Variants in MRPL1 observed in about 807,000 individuals in gnomAD.
MRPL1 encodes large ribosomal subunit protein uL1m.
MRPL1 carries 28 observed loss-of-function variants against 38.0 expected under a neutral mutation model. That is an observed-to-expected ratio of 0.74 (90% CI 0.55 to 1.01). The LOEUF is 1.01. Among genes scored for constraint, MRPL1 ranks in the 50% least tolerant of loss-of-function variants. The probability of loss-of-function intolerance (pLI) is 0.00; values close to 1 mark genes in which losing one functional copy is unlikely to be tolerated. For missense variants in MRPL1, 358 were observed against 389.8 expected (o/e 0.92, Z 0.69); for synonymous variants, 123 against 126.7 (o/e 0.97, Z 0.20).
chr4:77,932,090 A>C lies in MRPL1; in HGVS notation c.778-17707A>C, dbSNP rs149535691. ...ATTCAGTGATACAGAATGGGACACA[A>C]AACTTGCTTACTTGTTTGACATATT... On this transcript the variant is annotated intron_variant, in intron 7 of 8. Coordinates refer to ENST00000315567, the MANE Select transcript of MRPL1 (RefSeq NM_020236.4). Among the ~76,000 whole-genome samples the C allele has an allele frequency of 2.4e-4, 36 of 152,336 alleles. No homozygotes were observed. In the East Asian group the frequency reaches 6.7e-3, roughly 29 times the overall value.
chr4:77,867,860 C>T (rs1023107858), intron 1 of MRPL1, among the ~76,000 whole-genome samples: 4 of 148,936 alleles, frequency 2.7e-5, no homozygotes, highest in Non-Finnish European at 4.4e-5. Flanking sequence ...GGGTTCACGC[C>T]GTTCTCCTGC....
At chr4:77,885,550 A>G (rs1023496557) in intron 4 of MRPL1, among the ~76,000 whole-genome samples, 1 of 152,094 alleles carries the variant, frequency 6.6e-6, no homozygotes, top group Non-Finnish European at 1.5e-5. Flanking sequence ...TATTTTTAGT[A>G]GAGACAGGTT....
chr4:77,943,766 T>C (rs1560476720), intron 7 of MRPL1, among the ~76,000 whole-genome samples: 1 of 152,276 alleles, frequency 6.6e-6, no homozygotes, highest in East Asian at 1.9e-4. Context: ...TGAACATTTT[T>C]CCCTTCATAT....
intron 6 of MRPL1, among the ~76,000 whole-genome samples, chr4:77,902,451 A>G (rs1048238698): frequency 2.0e-5 from 3 of 151,752 alleles, no homozygotes; most frequent in African/African-American, 7.3e-5. Flanking sequence ...TAAGATTTTT[A>G]TCTTATAAAC....
chr4:77,884,357 T>G (rs1359492709), intron 3 of MRPL1, among the ~76,000 whole-genome samples: 1 of 152,222 alleles, frequency 6.6e-6, no homozygotes, highest in Non-Finnish European at 1.5e-5. Flanking sequence ...CAATCAGTTT[T>G]ATTAGGGGAA....
chr4:77,924,664 A>G (rs928750073), intron 7 of MRPL1, among the ~76,000 whole-genome samples: 4 of 151,996 alleles, frequency 2.6e-5, no homozygotes, highest in African/African-American at 7.3e-5. Context: ...TCTCCTTCCT[A>G]CTAGAGTGTT....
In MRPL1 at chr4:77,883,256, C is replaced by CA. The variant is rs866310495; in HGVS notation, c.165dup (p.Gly56ArgfsTer3). Reference sequence around the variant, plus strand: ...TTTCTTTTAAGGTCTGCAAAGAAAACAAAAAAAGGTGCTAAAGAAAAAACA... The same window carrying CA: ...TTTCTTTTAAGGTCTGCAAAGAAAACAAAAAAAAGGTGCTAAAGAAAAAACA... On this transcript the variant is annotated frameshift_variant, in exon 3 of 9. Coordinates refer to ENST00000315567, the MANE Select transcript of MRPL1 (RefSeq NM_020236.4). LOFTEE classifies it high-confidence loss of function. 4 of 1,547,228 alleles carry CA rather than the reference C, an allele frequency of 2.6e-6. No homozygotes were observed. Among genetic ancestry groups the CA allele is most frequent in the African/African-American group, 1.4e-5 (1 of 69,330 alleles).
intron 7 of MRPL1, among the ~76,000 whole-genome samples, chr4:77,943,733 T>C (rs1048671189): frequency 1.6e-4 from 24 of 152,200 alleles, no homozygotes; most frequent in African/African-American, 5.1e-4. Flanking sequence ...TTGATTATTT[T>C]TTATTTATGC....
At chr4:77,927,263 T>A (rs1736735741) in intron 7 of MRPL1, among the ~76,000 whole-genome samples, 1 of 152,218 alleles carries the variant, frequency 6.6e-6, no homozygotes, top group African/African-American at 2.4e-5. Context: ...CCTGAATTAA[T>A]GCTATATAAT....
chr4:77,898,584 G>A (rs938978372), intron 6 of MRPL1, among the ~76,000 whole-genome samples: 3 of 151,384 alleles, frequency 2.0e-5, no homozygotes, highest in Non-Finnish European at 2.9e-5. Context: ...TCCCCTTCCC[G>A]GGTTCATACA....
intron 7 of MRPL1, among the ~76,000 whole-genome samples, chr4:77,911,093 T>G (rs1399705429): frequency 2.0e-5 from 3 of 152,200 alleles, no homozygotes; most frequent in Non-Finnish European, 4.4e-5. Flanking sequence ...TTGTTGTGTC[T>G]CAAATTTCCT....
chr4:77,883,011 A>C (rs76507655), intron 2 of MRPL1, among the ~76,000 whole-genome samples: 2,207 of 152,270 alleles, frequency 0.014, 58 homozygotes, highest in African/African-American at 0.05. Flanking sequence ...ACTCCTCTGT[A>C]AGTTTCTGGA....
Position 77,949,882 on chromosome 4 carries a change from A to C in MRPL1, c.859+4A>C. 1.2e-6 allele frequency: 2 copies of C among 1,601,970 alleles called. No homozygotes were observed. Among genetic ancestry groups the C allele is most frequent in the Non-Finnish European group, 1.7e-6 (2 of 1,172,160 alleles). On this transcript the variant is annotated splice_donor_region_variant and intron_variant, in intron 8 of 8. Coordinates refer to ENST00000315567, the MANE Select transcript of MRPL1 (RefSeq NM_020236.4). ...AGGCACAGACCGCTGAATTTGGGTA[A>C]GTGGTTTGCTGAGGGTAGACTTCCC...
intron 6 of MRPL1, among the ~76,000 whole-genome samples, chr4:77,903,519 A>C (rs1484976135): frequency 6.6e-6 from 1 of 152,158 alleles, no homozygotes; most frequent in Non-Finnish European, 1.5e-5. Context: ...GGAAGAAATA[A>C]ATCTTTTTTT....
intron 7 of MRPL1, among the ~76,000 whole-genome samples, chr4:77,940,980 G>C (rs899898314): frequency 6.6e-6 from 1 of 152,114 alleles, no homozygotes; most frequent in Non-Finnish European, 1.5e-5. Context: ...TATAGGCTGG[G>C]TGCAGTGGCT....
At chr4:77,948,067 G>T (rs935250451) in intron 7 of MRPL1, among the ~76,000 whole-genome samples, 13 of 152,108 alleles carry the variant, frequency 8.5e-5, no homozygotes, top group African/African-American at 3.1e-4. Context: ...ATATAAAGCT[G>T]CAGAAAGTAT....
rs905806555 is a variant in MRPL1, at chr4:77,889,047, A to C, written c.558+1756A>C. ...AATAATAATGAGAGACTTTAACACC[A>C]CACTGTCAACATTAGACACATCAAC... On this transcript the variant is annotated intron_variant, in intron 5 of 8. Transcript: ENST00000315567. Among the ~76,000 whole-genome samples, 35 of 152,230 alleles carry C rather than the reference A, an allele frequency of 2.3e-4. 1 individual carries two copies. Among genetic ancestry groups the C allele is most frequent in the African/African-American group, 8.4e-4 (35 of 41,538 alleles).
intron 1 of MRPL1, among the ~76,000 whole-genome samples, chr4:77,871,160 A>G (rs1375146886): frequency 6.6e-6 from 1 of 152,106 alleles, no homozygotes; most frequent in East Asian, 1.9e-4. Context: ...GTTCAAGGTT[A>G]TAGTGAGCTG....
chr4:77,930,450 T>C (rs1560472941), intron 7 of MRPL1, among the ~76,000 whole-genome samples: 1 of 152,230 alleles, frequency 6.6e-6, no homozygotes, highest in African/African-American at 2.4e-5. Context: ...GCAAACCCTA[T>C]TGTGAACTGT....
Sources: allele counts gnomAD v4.1 joint callset (sites outside exome capture counted in the v4.1 genomes callset), GRCh38; gene constraint gnomAD v4.1.1; transcripts MANE v1.5; gene names NCBI Gene and HGNC (gene_info 2026-07-23, HGNC 2026-07-21).